Variants in XPR1 observed in about 807,000 individuals in gnomAD.
The protein encoded by XPR1 is xenotropic and polytropic retrovirus receptor 1.
In XPR1, 28 loss-of-function variants were observed where a neutral mutation model predicts 87.5. That is an observed-to-expected ratio of 0.32 (90% CI 0.24 to 0.44). The LOEUF (loss-of-function observed/expected upper bound fraction) is 0.44, where lower values mean the gene tolerates loss of function less well. XPR1 is among the 20% of genes least tolerant of loss of function. The pLI is 1.00. For missense variants in XPR1, 559 were observed against 862.3 expected, an observed-to-expected ratio of 0.65 and a Z score of 4.41; for synonymous variants, 300 against 306.1, an observed-to-expected ratio of 0.98 and a Z score of 0.21.
intron 13 of XPR1, among the ~76,000 whole-genome samples, chr1:180,874,506 A>G (rs1452960509): frequency 6.6e-6 from 1 of 152,070 alleles, no homozygotes; most frequent in Non-Finnish European, 1.5e-5. Flanking sequence ...CCTGGCCAAC[A>G]TGGTGAAACG....
chr1:180,687,753 A>G (rs1656835663), intron 2 of XPR1, among the ~76,000 whole-genome samples: 1 of 152,016 alleles, frequency 6.6e-6, no homozygotes, highest in Non-Finnish European at 1.5e-5. Flanking sequence ...TTTAAAATAA[A>G]TGTTTTATGA....
At chr1:180,777,498 G>A (rs1163098385) in intron 2 of XPR1, among the ~76,000 whole-genome samples, 1 of 152,116 alleles carries the variant, frequency 6.6e-6, no homozygotes, top group Non-Finnish European at 1.5e-5. Context: ...GCTTATCGCT[G>A]TATCCCTACC....
chr1:180,815,560 G>C (rs558765920), intron 7 of XPR1, among the ~76,000 whole-genome samples: 1 of 152,240 alleles, frequency 6.6e-6, no homozygotes, highest in African/African-American at 2.4e-5. Flanking sequence ...CATAATTGCT[G>C]TGGTTTTTCA....
chr1:180,667,755 T>A (rs1656012489), intron 1 of XPR1, among the ~76,000 whole-genome samples: 1 of 152,198 alleles, frequency 6.6e-6, no homozygotes, highest in Non-Finnish European at 1.5e-5. Flanking sequence ...ATGGAGTCAA[T>A]CTTCTTACTA....
intron 1 of XPR1, 59 bp downstream of exon 1, chr1:180,632,329 A>T: frequency 6.4e-7 from 1 of 1,561,682 alleles, no homozygotes; most frequent in Non-Finnish European, 8.7e-7. Flanking sequence ...GCCAGTCCTG[A>T]CGTCCACCGC....
Position 180,884,140 on chromosome 1 carries a change from G to A in XPR1, c.*74G>A. ...CTTTCCTCGACCAACGCAACCTCTAGTACCTTTCCAGCCGAAAACAGGAGA... is the reference window on the plus strand; with the variant it reads ...CTTTCCTCGACCAACGCAACCTCTAATACCTTTCCAGCCGAAAACAGGAGA... On this transcript the variant is annotated 3_prime_UTR_variant, in exon 15 of 15. Transcript: ENST00000367590. The A allele has an allele frequency of 7.1e-7, 1 of 1,401,530 alleles. No homozygotes were observed. The highest frequency in any genetic ancestry group is 1.3e-5 in the South Asian group (1 of 79,712). 86.8% of individuals were successfully genotyped at this position (1,401,530 alleles called of 1,614,324 possible). A position where few individuals can be genotyped will look rare whatever the true frequency, so the allele number is the denominator to read the frequency against.
At chr1:180,802,006 G>C (rs1039480251) in intron 3 of XPR1, among the ~76,000 whole-genome samples, 3 of 151,918 alleles carry the variant, frequency 2.0e-5, no homozygotes, top group Non-Finnish European at 1.5e-5. Flanking sequence ...ATGTTGGCCA[G>C]GCTGGTCTCG....
chr1:180,856,801 G>GT (rs1411088556), intron 11 of XPR1, among the ~76,000 whole-genome samples: 1 of 152,128 alleles, frequency 6.6e-6, no homozygotes, highest in African/African-American at 2.4e-5. Flanking sequence ...TCACTGGGCT[G>GT]TTGCCACAGC....
intron 3 of XPR1, among the ~76,000 whole-genome samples, chr1:180,793,875 T>C (rs1649473586): frequency 6.6e-6 from 1 of 152,200 alleles, no homozygotes; most frequent in South Asian, 2.1e-4. Flanking sequence ...CCTTCCTTCC[T>C]TCTGTCTCTC....
At chr1:180,825,566 T>A (rs1377688567) in intron 9 of XPR1, among the ~76,000 whole-genome samples, 2 of 152,176 alleles carry the variant, frequency 1.3e-5, no homozygotes, top group Non-Finnish European at 2.9e-5. Context: ...ATTATAAACA[T>A]TTTTTACTTC....
chr1:180,743,224 T>TTTA (rs111485833), intron 2 of XPR1, among the ~76,000 whole-genome samples: 1 of 149,386 alleles, frequency 6.7e-6, no homozygotes, highest in African/African-American at 2.5e-5. Context: ...CTTTTTTTTT[T>TTTA]GGGGGGGGAG....
intron 2 of XPR1, among the ~76,000 whole-genome samples, chr1:180,720,043 A>G (rs1401523587): frequency 6.6e-6 from 1 of 152,080 alleles, no homozygotes; most frequent in African/African-American, 2.4e-5. Flanking sequence ...GGATTAGTAG[A>G]GCCAAAATAT....
At chr1:180,680,061 G>A (rs72721002) in intron 1 of XPR1, among the ~76,000 whole-genome samples, 2,763 of 152,080 alleles carry the variant, frequency 0.018, 46 homozygotes, top group Non-Finnish European at 0.027. Context: ...TTTAAAAATG[G>A]GCAAGTGATC....
At chr1:180,874,359 C>G (rs141564024) in intron 13 of XPR1, among the ~76,000 whole-genome samples, 1 of 151,800 alleles carries the variant, frequency 6.6e-6, no homozygotes, top group Non-Finnish European at 1.5e-5. Flanking sequence ...TTCAGCCCAG[C>G]CTTCTCACTG....
chr1:180,843,025 T>C (rs1420781389), intron 11 of XPR1, among the ~76,000 whole-genome samples: 2 of 152,222 alleles, frequency 1.3e-5, no homozygotes, highest in African/African-American at 4.8e-5. Context: ...CCTTCTTGTT[T>C]AACGTTCTCT....
intron 11 of XPR1, among the ~76,000 whole-genome samples, chr1:180,852,108 A>G (rs991731411): frequency 3.3e-5 from 5 of 152,022 alleles, no homozygotes; most frequent in African/African-American, 9.7e-5. Flanking sequence ...TGGAAGTGCA[A>G]TAATACTATA....
intron 13 of XPR1, among the ~76,000 whole-genome samples, chr1:180,875,234 G>A (rs1055572635): frequency 6.6e-6 from 1 of 152,136 alleles, no homozygotes; most frequent in Non-Finnish European, 1.5e-5. Context: ...GAGTAGCCAG[G>A]CATGATGGTT....
intron 2 of XPR1, among the ~76,000 whole-genome samples, chr1:180,782,550 T>TA (rs1648980584): frequency 6.6e-6 from 1 of 151,926 alleles, no homozygotes; most frequent in Non-Finnish European, 1.5e-5. Flanking sequence ...AGAGAGAACA[T>TA]ACGTGTGTGT....
intron 3 of XPR1, among the ~76,000 whole-genome samples, chr1:180,788,139 A>C (rs1649249403): frequency 6.6e-6 from 1 of 152,208 alleles, no homozygotes; most frequent in Admixed American, 6.5e-5. Flanking sequence ...AAGCTTGAAG[A>C]GTCAGAAACT....
Sources: gnomAD v4.1 joint callset for allele counts (sites outside exome capture counted in the v4.1 genomes callset) on GRCh38, gnomAD v4.1.1 for gene constraint, MANE v1.5 for transcripts, NCBI Gene and HGNC (gene_info 2026-07-23, HGNC 2026-07-21) for gene names.